Variants in ADCY9 observed in about 807,000 individuals in gnomAD.
The protein encoded by ADCY9 is adenylate cyclase 9.
Under a neutral mutation model 101.5 loss-of-function variants are expected in ADCY9, and 50 were observed. That is an observed-to-expected ratio of 0.49 (90% confidence interval 0.39 to 0.62). ADCY9 has a LOEUF of 0.62. Ranked by LOEUF, ADCY9 falls within the 20% of genes least tolerant of loss-of-function variation. ADCY9 has a pLI of 0.00. For missense variants in ADCY9, 1,662 were observed against 1,800.4 expected, an observed-to-expected ratio of 0.92 and a Z score of 1.39; for synonymous variants, 905 against 769.3, an observed-to-expected ratio of 1.18 and a Z score of -2.92.
chr16:4,053,765 A>G (rs1415615437), intron 2 of ADCY9, among the ~76,000 whole-genome samples: 2 of 152,184 alleles, frequency 1.3e-5, no homozygotes, highest in Non-Finnish European at 2.9e-5. Flanking sequence ...CCATTGCACA[A>G]TATCCTGCTC....
intron 4 of ADCY9, 178 bp downstream of exon 4, chr16:3,993,228 T>C: frequency 8.6e-7 from 1 of 1,158,124 alleles, no homozygotes; most frequent in South Asian, 1.6e-5. Flanking sequence ...GGGTTGCTGC[T>C]GACCCTCCCT....
chr16:3,991,559 G>A (rs147348552), intron 5 of ADCY9, among the ~76,000 whole-genome samples: 2,224 of 152,122 alleles, frequency 0.015, 64 homozygotes, highest in African/African-American at 0.051. Flanking sequence ...CCAAGAGTTC[G>A]AGACCCGCCT....
intron 2 of ADCY9, among the ~76,000 whole-genome samples, chr16:4,057,875 C>G (rs2056750527): frequency 6.6e-6 from 1 of 152,116 alleles, no homozygotes; most frequent in African/African-American, 2.4e-5. Context: ...CCCAAGGTCA[C>G]AAAGGACTCT....
At chr16:3,988,016 G>A (rs1245876318) in intron 6 of ADCY9, among the ~76,000 whole-genome samples, 1 of 148,018 alleles carries the variant, frequency 6.8e-6, no homozygotes, top group African/African-American at 2.6e-5. Context: ...AGAGATGGGT[G>A]TTGGGACTGT....
chr16:4,003,563 C>CTTTTTT (rs34344577), intron 3 of ADCY9, among the ~76,000 whole-genome samples: 3 of 124,482 alleles, frequency 2.4e-5, no homozygotes, highest in Admixed American at 8.6e-5. Context: ...TCTTTCTTTT[C>CTTTTTT]TTTTTTTTTT....
chr16:4,032,893 A>C (rs2056565457), intron 2 of ADCY9: 5 of 152,228 alleles, frequency 3.3e-5, no homozygotes, highest in Admixed American at 3.3e-4. Flanking sequence ...ATGAGCAACA[A>C]GTTATAATCG....
chr16:3,966,612 G>C lies in ADCY9; in HGVS notation c.3225C>G (p.Tyr1075Ter). ...VNFSEFYEEN[Y>*]EGGKECYRVL... is the part of the protein sequence containing the mutation. The stretch of plus-strand genomic sequence containing the variant: ...CCCGGTAGCACTCCTTGCCGCCCTC[G>C]TAGTTCTCCTCGTAGAACTCGCTGA... Residue 1075 changes from tyrosine (Y) to a stop codon, truncating the protein, a stop_gained, in exon 11 of 11, where the codon TAC becomes TAG. Transcript: ENST00000294016. LOFTEE classifies it high-confidence loss of function. 6.2e-7 allele frequency: 1 copy of C among 1,614,180 alleles called. No homozygotes were observed. Among genetic ancestry groups the C allele is most frequent in the Non-Finnish European group, 8.5e-7 (1 of 1,180,042 alleles).
At position 3,963,263 on chromosome 16, in the gene ADCY9, T is replaced by C. The variant is rs1182322471; in HGVS notation, c.*2512A>G. The C allele has an allele frequency of 5.0e-6, 2 of 398,102 alleles. No homozygotes were observed. The highest frequency in any genetic ancestry group is 8.9e-6 in the Non-Finnish European group (2 of 225,780). 24.7% of individuals were successfully genotyped at this position (398,102 alleles called of 1,614,324 possible). A position where few individuals can be genotyped will look rare whatever the true frequency, so the allele number is the denominator to read the frequency against. ...TCCTGCCCTAAGTTCCTAAGAGGTA[T>C]TGCCACCCTGAAGCACGACCCATGC... On this transcript the variant is annotated 3_prime_UTR_variant, in exon 11 of 11. Transcript: ENST00000294016.
chr16:4,114,376 T>C lies in ADCY9; in HGVS notation c.1067A>G (p.Asn356Ser), dbSNP rs756727246. ...CGAGGTGGCATGCCTCTTGACAGAATTCTCACTCTCCTCATCTCCCTGCTT... is the reference window on the plus strand; with the variant it reads ...CGAGGTGGCATGCCTCTTGACAGAACTCTCACTCTCCTCATCTCCCTGCTT... ...LMKQGDEESENSVKRHATSSP... is the reference protein window; with the variant it reads ...LMKQGDEESESSVKRHATSSP... The change falls in exon 2 of 11, where the codon AAT (asparagine) becomes AGT (serine). Residue 356 changes from asparagine to serine, a missense_variant. Transcript: ENST00000294016. The surrounding 1 kb of genome is among the most constrained non-coding windows in gnomAD (Gnocchi z 4.3). The C allele has an allele frequency of 7.4e-6, 12 of 1,613,944 alleles. No homozygotes were observed. The highest frequency in any genetic ancestry group is 1.0e-5 in the Non-Finnish European group (12 of 1,180,040).
chr16:4,105,593 T>A (rs2057071362), intron 2 of ADCY9, among the ~76,000 whole-genome samples: 1 of 150,266 alleles, frequency 6.7e-6, no homozygotes, highest in Non-Finnish European at 1.5e-5. Context: ...GACACGAGAA[T>A]TCCTTGCACC....
rs758085762 is a variant in ADCY9 at position 3,979,243 on chromosome 16, C to A, written c.2552G>T (p.Cys851Phe). The A allele has an allele frequency of 6.2e-7, 1 of 1,613,952 alleles. No individual in the cohort carries two copies. Among genetic ancestry groups the A allele is most frequent in the Non-Finnish European group, 8.5e-7 (1 of 1,179,968 alleles). The part of the protein sequence containing the change: ...MVFFLEDVMA[C>F]TKRLLEWIAG... The stretch of plus-strand genomic sequence containing the variant: ...GATCCACTCCAGCAGGCGCTTGGTG[C>A]AGGCCATGACGTCCTCCAGGAAGAA... Residue 851 changes from cysteine (C) to phenylalanine (F), a missense_variant, in exon 8 of 11, where the codon TGC (cysteine) becomes TTC (phenylalanine). Physicochemically the swap from Cys to Phe is radical, Grantham distance 205. Around this residue, in one of 5 missense-constraint regions of ADCY9, gnomAD observed 624 missense variants for 639.1 expected, o/e 0.98. Coordinates refer to ENST00000294016, the MANE Select transcript of ADCY9 (RefSeq NM_001116.4).
chr16:4,015,505 A>G (rs1463310339), intron 2 of ADCY9: 1 of 152,154 alleles, frequency 6.6e-6, no homozygotes. Context: ...GCTGTCATTC[A>G]TTTGCTCATT....
At chr16:4,103,480 C>G (rs1234063029) in intron 2 of ADCY9, among the ~76,000 whole-genome samples, 1 of 152,236 alleles carries the variant, frequency 6.6e-6, no homozygotes, top group South Asian at 2.1e-4. Flanking sequence ...TAGCCCTCAG[C>G]TTGTCCTTCA....
chr16:3,991,534 G>A (rs893573509), intron 5 of ADCY9, among the ~76,000 whole-genome samples: 4 of 152,088 alleles, frequency 2.6e-5, no homozygotes, highest in Non-Finnish European at 5.9e-5. Flanking sequence ...GCCGAGGCGG[G>A]CAGATCACCT....
intron 2 of ADCY9, among the ~76,000 whole-genome samples, chr16:4,055,782 C>T (rs1350271106): frequency 1.3e-5 from 2 of 151,654 alleles, no homozygotes; most frequent in Non-Finnish European, 2.9e-5. Flanking sequence ...TGCAGTGAGC[C>T]GAGATGGTGC....
chr16:4,003,440 C>T (rs748192698), intron 3 of ADCY9, among the ~76,000 whole-genome samples: 84 of 152,174 alleles, frequency 5.5e-4, no homozygotes, highest in Non-Finnish European at 1.1e-3. Flanking sequence ...TCAGCCCTGG[C>T]GTCCACAGGC....
intron 8 of ADCY9, 59 bp from the exon 9 acceptor site, chr16:3,977,689 C>G: frequency 1.3e-6 from 2 of 1,551,124 alleles, no homozygotes; most frequent in Non-Finnish European, 1.7e-6. Context: ...CCCTGCTATA[C>G]CCGGCCGCCA....
At chr16:3,979,003 C>T (rs1201439365) in intron 8 of ADCY9, 113 bp downstream of exon 8, 2 of 1,386,102 alleles carry the variant, frequency 1.4e-6, no homozygotes, top group African/African-American at 2.8e-5. Context: ...GCGTGAGCCA[C>T]CATGCCTGGC....
intron 2 of ADCY9, among the ~76,000 whole-genome samples, chr16:4,096,826 T>G (rs555562145): frequency 6.6e-6 from 1 of 152,254 alleles, no homozygotes; most frequent in East Asian, 1.9e-4. Context: ...GTAGTTAATA[T>G]TTCCCAAACA....
Sources: allele counts gnomAD v4.1 joint callset (sites outside exome capture counted in the v4.1 genomes callset), GRCh38; gene constraint gnomAD v4.1.1; regional missense constraint gnomAD v4.1.1; non-coding constraint Gnocchi (gnomAD v3.1); transcripts MANE v1.5; gene names NCBI Gene and HGNC (gene_info 2026-07-23, HGNC 2026-07-21).